SAMTOR: variants seen among roughly 807,000 people sequenced by gnomAD.
SAMTOR encodes UPF0532 protein C7orf60.
chr7:112,916,128 C>A, the SAMTOR span, among the ~76,000 whole-genome samples: 2 of 152,098 alleles, frequency 1.3e-5, no homozygotes, highest in Non-Finnish European at 2.9e-5. Flanking sequence ...GAAGCCTCTC[C>A]AAAGTTTGTA....
At chr7:112,908,536 AT>A in the SAMTOR span, among the ~76,000 whole-genome samples, 1 of 152,116 alleles carries the variant, frequency 6.6e-6, no homozygotes, top group Non-Finnish European at 1.5e-5. Context: ...GACACATCCT[AT>A]TGCTTCTGTT....
chr7:112,873,596 C>T, the SAMTOR span, among the ~76,000 whole-genome samples: 1 of 152,082 alleles, frequency 6.6e-6, no homozygotes, highest in African/African-American at 2.4e-5. Context: ...GTGAAGACCA[C>T]AAACTATAAA....
the SAMTOR span, among the ~76,000 whole-genome samples, chr7:112,865,388 G>A: frequency 3.3e-5 from 5 of 151,818 alleles, no homozygotes; most frequent in East Asian, 3.9e-4. Context: ...AGGGATTCTC[G>A]TGCCTCAGCC....
the SAMTOR span, among the ~76,000 whole-genome samples, chr7:112,921,944 CCCCTCT>C: frequency 0.35 from 52,292 of 149,174 alleles, 10,866 homozygotes; most frequent in African/African-American, 0.59. Flanking sequence ...AAAGCCCCTC[CCCCTCT>C]CCCTCTCCCT....
chr7:112,934,951 A>G, the SAMTOR span, among the ~76,000 whole-genome samples: 1 of 152,180 alleles, frequency 6.6e-6, no homozygotes, highest in African/African-American at 2.4e-5. Flanking sequence ...TGAACTGACT[A>G]TATAAATGGT....
the SAMTOR span, among the ~76,000 whole-genome samples, chr7:112,920,003 C>T: frequency 9.2e-5 from 14 of 152,028 alleles, no homozygotes; most frequent in East Asian, 3.9e-4. Flanking sequence ...GATTCACAGC[C>T]GAATTCTACC....
chr7:112,838,868 A>C, the SAMTOR span, among the ~76,000 whole-genome samples: 2 of 151,206 alleles, frequency 1.3e-5, no homozygotes, highest in Non-Finnish European at 1.5e-5. Flanking sequence ...AAATAAACTA[A>C]AGTTGCTGAG....
At chr7:112,825,743 T>C in the SAMTOR span, among the ~76,000 whole-genome samples, 1 of 152,312 alleles carries the variant, frequency 6.6e-6, no homozygotes, top group African/African-American at 2.4e-5. Context: ...GTAAACATCC[T>C]TATCTTGTTT....
the SAMTOR span, among the ~76,000 whole-genome samples, chr7:112,917,748 C>T: frequency 2.6e-5 from 4 of 151,984 alleles, no homozygotes; most frequent in African/African-American, 9.7e-5. Flanking sequence ...CAGAGAAGTG[C>T]TTAAAGGAGC....
At chr7:112,939,795 C>A in the SAMTOR span, 5 of 1,488,872 alleles carry the variant, frequency 3.4e-6, no homozygotes, top group South Asian at 1.2e-5. Flanking sequence ...CCCCCGCAGA[C>A]GCTCCCCAGA....
the SAMTOR span, among the ~76,000 whole-genome samples, chr7:112,908,614 G>A: frequency 6.6e-6 from 1 of 152,118 alleles, no homozygotes; most frequent in Non-Finnish European, 1.5e-5. Context: ...GAAAGGTACA[G>A]AGTATATAAC....
the SAMTOR span, among the ~76,000 whole-genome samples, chr7:112,915,128 C>T: frequency 6.6e-6 from 1 of 151,818 alleles, no homozygotes. Context: ...ATCCCAGCTA[C>T]TTGGGAGGCT....
chr7:112,918,144 G>A, the SAMTOR span, among the ~76,000 whole-genome samples: 8 of 152,156 alleles, frequency 5.3e-5, no homozygotes, highest in Non-Finnish European at 1.0e-4. Flanking sequence ...ACACATAGTT[G>A]TCAGATTCGC....
the SAMTOR span, among the ~76,000 whole-genome samples, chr7:112,824,734 C>A: frequency 6.6e-6 from 1 of 152,064 alleles, no homozygotes; most frequent in Non-Finnish European, 1.5e-5. Context: ...CCCTTTGTTT[C>A]AACACCATTG....
chr7:112,852,851 T>C, the SAMTOR span, among the ~76,000 whole-genome samples: 2 of 152,098 alleles, frequency 1.3e-5, no homozygotes, highest in African/African-American at 2.4e-5. Context: ...GGTGTAATCC[T>C]GGCACTGTCA....
At chr7:112,878,876 T>C in the SAMTOR span, among the ~76,000 whole-genome samples, 1 of 152,024 alleles carries the variant, frequency 6.6e-6, no homozygotes, top group South Asian at 2.1e-4. Context: ...GAAAAACAGA[T>C]TGGAGTAAAA....
chr7:112,849,025 G>C, the SAMTOR span, among the ~76,000 whole-genome samples: 12 of 150,604 alleles, frequency 8.0e-5, no homozygotes, highest in South Asian at 2.1e-4. Context: ...CTCCAGCCTG[G>C]GTGACAGAGC....
chr7:112,865,679 C>CAT, the SAMTOR span, among the ~76,000 whole-genome samples: 4 of 106,234 alleles, frequency 3.8e-5, no homozygotes, highest in Non-Finnish European at 5.2e-5. Flanking sequence ...TACATATATT[C>CAT]ATATATATTT....
chr7:112,921,922 TA>T, the SAMTOR span, among the ~76,000 whole-genome samples: 3 of 150,688 alleles, frequency 2.0e-5, no homozygotes, highest in African/African-American at 7.4e-5. Context: ...TGGTTATCAT[TA>T]AAAAGTCAGG....
Sources: allele counts gnomAD v4.1 joint callset (sites outside exome capture counted in the v4.1 genomes callset), GRCh38; gene constraint gnomAD v4.1.1; transcripts MANE v1.5; gene names NCBI Gene and HGNC (gene_info 2026-07-23, HGNC 2026-07-21).